RAB3GAP1: variants seen among roughly 807,000 people sequenced by gnomAD.
RAB3GAP1 encodes the protein rab3 GTPase-activating protein catalytic subunit.
In RAB3GAP1, 86 loss-of-function variants were observed where a neutral mutation model predicts 130.7. The ratio of observed to expected loss-of-function variants is 0.66; its 90% CI spans 0.55 to 0.79. RAB3GAP1 has a LOEUF of 0.79. Ranked by LOEUF, RAB3GAP1 falls within the 30% of genes least tolerant of loss-of-function variation. The pLI is 0.00. For missense variants in RAB3GAP1, 1,029 were observed against 1,169.4 expected, an observed-to-expected ratio of 0.88 and a Z score of 1.75; for synonymous variants, 367 against 401.7, an observed-to-expected ratio of 0.91 and a Z score of 1.03.
intron 3 of RAB3GAP1, among the ~76,000 whole-genome samples, chr2:135,090,760 A>T (rs1040710819): frequency 6.6e-6 from 1 of 152,210 alleles, no homozygotes; most frequent in African/African-American, 2.4e-5. Context: ...AAAAATTATT[A>T]TTAATCTTTG....
In RAB3GAP1 at chr2:135,162,571, C is replaced by T. The variant is rs747029731; in HGVS notation, c.2306C>T (p.Ala769Val). Residue 769 changes from alanine to valine, a missense_variant, in exon 20 of 24, where the codon GCA (alanine) becomes GTA (valine). Ala to Val is a moderately conservative substitution (Grantham distance 64). Transcript: ENST00000264158. ...CTCCTTCAGGTGCTGCACTATCTGG[C>T]AATCCAGAAACCTGCAGACCTTGCT... Reference protein sequence around the residue: ...REAEKVLHYLAIQKPADLARH... With the variant: ...REAEKVLHYLVIQKPADLARH... The T allele has an allele frequency of 1.4e-5, 22 of 1,613,676 alleles. No homozygotes were observed. The African/African-American group carries it at 2.9e-4, about 22-fold the overall frequency.
intron 3 of RAB3GAP1, 42 bp downstream of exon 3, chr2:135,058,128 T>C (rs768346913): frequency 4.0e-6 from 6 of 1,509,372 alleles, no homozygotes; most frequent in Admixed American, 1.7e-5. Context: ...CTATTTACTT[T>C]GAAACCTCTA....
intron 5 of RAB3GAP1, among the ~76,000 whole-genome samples, chr2:135,105,730 C>T (rs1337904625): frequency 2.0e-5 from 3 of 151,342 alleles, no homozygotes; most frequent in African/African-American, 7.3e-5. Context: ...GCCTGGCTGC[C>T]CAGTCTGGGA....
chr2:135,172,434 CAA>C (rs34579738), downstream of RAB3GAP1, among the ~76,000 whole-genome samples: 5 of 124,804 alleles, frequency 4.0e-5, no homozygotes, highest in Non-Finnish European at 8.7e-5. Context: ...GACTCTGTCT[CAA>C]AAAAAAAAAA....
At chr2:135,059,851 G>A (rs1366453020) in intron 3 of RAB3GAP1, among the ~76,000 whole-genome samples, 4 of 152,082 alleles carry the variant, frequency 2.6e-5, no homozygotes, top group African/African-American at 7.2e-5. Flanking sequence ...ATAAGATACA[G>A]AAAATATGGG....
chr2:135,172,434 C>CAA (rs34579738), downstream of RAB3GAP1, among the ~76,000 whole-genome samples: 6,599 of 124,718 alleles, frequency 0.053, 209 homozygotes, highest in Middle Eastern at 0.14. Flanking sequence ...GACTCTGTCT[C>CAA]AAAAAAAAAA....
chr2:135,098,512 C>T (rs1352547457), intron 5 of RAB3GAP1, among the ~76,000 whole-genome samples: 1 of 152,048 alleles, frequency 6.6e-6, no homozygotes, highest in Non-Finnish European at 1.5e-5. Context: ...AAATCTTTCT[C>T]CTATTAAAAA....
intron 7 of RAB3GAP1, among the ~76,000 whole-genome samples, chr2:135,116,272 T>A (rs62170186): frequency 0.042 from 6,349 of 151,854 alleles, 156 homozygotes; most frequent in African/African-American, 0.055. Flanking sequence ...TATATGTATA[T>A]TACAATGAAG....
At chr2:135,132,834 A>T in intron 13 of RAB3GAP1, 61 bp from the exon 14 acceptor site, 1 of 1,017,160 alleles carries the variant, frequency 9.8e-7, no homozygotes, top group South Asian at 1.3e-5. Context: ...TATGAGTTAT[A>T]AAAATCAACA....
At chr2:135,113,302 A>G in intron 6 of RAB3GAP1, 32 bp downstream of exon 6, 2 of 1,612,282 alleles carry the variant, frequency 1.2e-6, no homozygotes, top group Non-Finnish European at 1.7e-6. Flanking sequence ...CCTAGACAAA[A>G]AAACTGTTTT....
chr2:135,074,313 G>C (rs935996239), intron 3 of RAB3GAP1, among the ~76,000 whole-genome samples: 1 of 152,192 alleles, frequency 6.6e-6, no homozygotes, highest in Non-Finnish European at 1.5e-5. Flanking sequence ...AGGGATTGGG[G>C]ACTTTCCAAC....
At chr2:135,104,369 A>G (rs556231990) in intron 5 of RAB3GAP1, among the ~76,000 whole-genome samples, 1 of 152,340 alleles carries the variant, frequency 6.6e-6, no homozygotes, top group African/African-American at 2.4e-5. Context: ...GTACAATGAA[A>G]CAGAAAAGTG....
intron 5 of RAB3GAP1, 116 bp from the exon 6 acceptor site, chr2:135,113,035 T>C (rs1456031591): frequency 7.0e-7 from 1 of 1,422,590 alleles, no homozygotes; most frequent in Non-Finnish European, 9.8e-7. Flanking sequence ...GAAACACTTT[T>C]AGTTTAAACC....
chr2:135,169,014 G>C lies in RAB3GAP1; in HGVS notation c.*233G>C. ...TTGAGAGATTTCTGCCCTAGAGATG[G>C]CCTTTGTATATGGGGGGGTGGTGGG... is the stretch of plus-strand genomic sequence containing the variant. On this transcript the variant is annotated 3_prime_UTR_variant, in exon 24 of 24. Transcript: ENST00000264158. The C allele has an allele frequency of 1.2e-5, 5 of 413,108 alleles. No homozygotes were observed. Among genetic ancestry groups the C allele is most frequent in the South Asian group, 2.6e-5 (1 of 39,194 alleles). The allele number at this position is 413,108 out of a possible 1,614,324, so 25.6% of individuals were successfully genotyped here. A position where few individuals can be genotyped will look rare whatever the true frequency, so the allele number is the denominator to read the frequency against.
intron 18 of RAB3GAP1, 143 bp downstream of exon 18, chr2:135,150,649 AC>A: frequency 1.9e-6 from 2 of 1,068,982 alleles, no homozygotes; most frequent in Non-Finnish European, 1.4e-6. Context: ...ACACTCTGCC[AC>A]CATCCCCCCA....
chr2:135,093,571 G>A (rs1484191009), intron 4 of RAB3GAP1, 44 bp from the exon 5 acceptor site: 1 of 1,449,080 alleles, frequency 6.9e-7, no homozygotes, highest in Non-Finnish European at 9.7e-7. Context: ...AACTCTGCCT[G>A]ATCATGAACA....
Position 135,169,974 on chromosome 2 carries a change from TAAAAA to T in RAB3GAP1, c.*1204_*1208del. 9.3e-6 allele frequency: 2 copies of T among 214,892 alleles called. No individual in the cohort carries two copies. The highest frequency in any genetic ancestry group is 1.9e-5 in the Non-Finnish European group (2 of 106,850). The allele number at this position is 214,892 out of a possible 1,614,324, so 13.3% of individuals were successfully genotyped here. A position where few individuals can be genotyped will look rare whatever the true frequency, so the allele number is the denominator to read the frequency against. ...AGCTGTGCAAACCCTGTTATTTTTG[TAAAAA>T]AAAAAAAAAATACATATCTATATAT... On this transcript the variant is annotated 3_prime_UTR_variant, in exon 24 of 24. Coordinates refer to ENST00000264158, the MANE Select transcript of RAB3GAP1 (RefSeq NM_012233.3).
intron 5 of RAB3GAP1, among the ~76,000 whole-genome samples, chr2:135,093,958 A>T: frequency 6.6e-6 from 1 of 152,216 alleles, no homozygotes; most frequent in Admixed American, 6.5e-5. Context: ...ACAAATTGTG[A>T]CAAAGTATGT....
chr2:135,101,832 C>A (rs1690459015), intron 5 of RAB3GAP1, among the ~76,000 whole-genome samples: 1 of 150,902 alleles, frequency 6.6e-6, no homozygotes, highest in Admixed American at 6.6e-5. Flanking sequence ...GTGGGTGTTT[C>A]CTGAAACCAT....
Sources: allele counts gnomAD v4.1 joint callset (sites outside exome capture counted in the v4.1 genomes callset), GRCh38; gene constraint gnomAD v4.1.1; transcripts MANE v1.5; gene names NCBI Gene and HGNC (gene_info 2026-07-23, HGNC 2026-07-21).